The following FBXW9 variants were observed in gnomAD, a reference collection of about 807,000 sequenced individuals.
The protein encoded by FBXW9 is F-box and WD repeat domain containing 9, also known as F-box/WD repeat-containing protein 9.
Under a neutral mutation model 55.8 loss-of-function variants are expected in FBXW9, and 38 were observed. The ratio of observed to expected loss-of-function variants is 0.68; its 90% CI spans 0.53 to 0.89. The LOEUF (loss-of-function observed/expected upper bound fraction) is 0.89. Ranked by LOEUF, FBXW9 falls within the 40% of genes least tolerant of loss-of-function variation. The probability of loss-of-function intolerance (pLI) is 0.00; values close to 1 mark genes in which losing one functional copy is unlikely to be tolerated. For synonymous variants in FBXW9, 289 were observed against 278.2 expected (o/e 1.04, Z -0.38); for missense variants, 590 against 619.4 (o/e 0.95, Z 0.50).
In FBXW9 at chr19:12,689,431, C is replaced by G. The variant is rs574399138; in HGVS notation, c.1243G>C (p.Val415Leu). Residue 415 changes from valine to leucine, a missense_variant, in exon 9 of 10, where the codon GTG (valine) becomes CTG (leucine). Val to Leu is a conservative substitution (Grantham distance 32). Transcript: ENST00000393261. This position sits in a 1 kb window ranked among gnomAD's most constrained non-coding sequence, Gnocchi z 5.9. The part of the protein sequence containing the change: ...TSTDKTIRVH[V>L]PTDPPRTICT... ...ATGGTCCTTGGTGGGTCTGTGGGCA[C>G]GTGCACCTAGTGAGGGGCAATGGGC... is the stretch of plus-strand genomic sequence containing the variant. The G allele has an allele frequency of 1.9e-6, 3 of 1,614,098 alleles. No homozygotes were observed. Among genetic ancestry groups the G allele is most frequent in the South Asian group, 2.2e-5 (2 of 91,086 alleles).
intron 3 of FBXW9, among the ~76,000 whole-genome samples, chr19:12,692,469 G>T (rs566909634): frequency 1.3e-5 from 2 of 149,284 alleles, no homozygotes; most frequent in East Asian, 4.0e-4. Context: ...CAGATGATCC[G>T]CCTGCCTTAG....
chr19:12,694,415 A>C (rs2145410088), intron 3 of FBXW9, among the ~76,000 whole-genome samples, 179 bp downstream of exon 3: 1 of 152,126 alleles, frequency 6.6e-6, no homozygotes, highest in South Asian at 2.1e-4. Flanking sequence ...TCCTCATCCT[A>C]ATCACCCACT....
intron 3 of FBXW9, among the ~76,000 whole-genome samples, chr19:12,694,256 G>A (rs868670185): frequency 1.2e-4 from 17 of 147,822 alleles, no homozygotes; most frequent in African/African-American, 2.3e-4. Context: ...CAGGAGAACC[G>A]CTTGAACCCG....
intron 3 of FBXW9, among the ~76,000 whole-genome samples, chr19:12,692,679 C>T (rs909989303): frequency 6.6e-6 from 1 of 152,048 alleles, no homozygotes; most frequent in African/African-American, 2.4e-5. Context: ...CCACGCACCA[C>T]GCCTGGCTAA....
rs762619908 is a variant in FBXW9 at position 12,691,420 on chromosome 19, C to T, written c.713G>A (p.Arg238His). ...WVWSLAAQDH[R>H]VCSGSWDSTV... ...GCTGTCCCAGGAGCCGGAGCACACGCGGTGGTCCTGCGCTGCCAGTGACCA... is the reference window on the plus strand; with the variant it reads ...GCTGTCCCAGGAGCCGGAGCACACGTGGTGGTCCTGCGCTGCCAGTGACCA... Residue 238 changes from arginine to histidine, a missense_variant, in exon 4 of 10, where the codon CGC (arginine) becomes CAC (histidine). Transcript: ENST00000393261. 1.0e-5 allele frequency: 16 copies of T among 1,600,176 alleles called. No homozygotes were observed. The highest frequency in any genetic ancestry group is 8.1e-5 in the African/African-American group (6 of 74,450).
Position 12,689,660 on chromosome 19 carries a change from TCGAGGCTCTC to T in FBXW9, c.1147-40_1147-31del. ...AGGAGGAGGATCAGGCAACACTCAGTCGAGGCTCTCCCAAGGCCCGCCCTCCCCCACACCA... is the reference window on the plus strand; with the variant it reads ...AGGAGGAGGATCAGGCAACACTCAGTCCAAGGCCCGCCCTCCCCCACACCA... On this transcript the variant is annotated intron_variant, in intron 7 of 9. Coordinates refer to ENST00000393261, the MANE Select transcript of FBXW9 (RefSeq NM_032301.3). The surrounding 1 kb of genome is among the most constrained non-coding windows in gnomAD (Gnocchi z 5.9). 2 of 1,612,244 alleles carry T rather than the reference TCGAGGCTCTC, an allele frequency of 1.2e-6. No individual in the cohort carries two copies. The highest frequency in any genetic ancestry group is 1.7e-6 in the Non-Finnish European group (2 of 1,178,566).
chr19:12,689,298 G>C lies in FBXW9; in HGVS notation c.1303-8C>G, dbSNP rs769991929. On this transcript the variant is annotated splice_region_variant and splice_polypyrimidine_tract_variant and intron_variant, in intron 9 of 9. Transcript: ENST00000393261. The surrounding 1 kb of genome is among the most constrained non-coding windows in gnomAD (Gnocchi z 5.9). Reference sequence around the variant, plus strand: ...GTTGCCCTCAGCACAGACCTGGGAAGGGGGAGGAACATGAGGAGTCAGGGA... The same window carrying C: ...GTTGCCCTCAGCACAGACCTGGGAACGGGGAGGAACATGAGGAGTCAGGGA... 9.3e-6 allele frequency: 15 copies of C among 1,614,100 alleles called. No homozygotes were observed. In the Admixed American group the frequency reaches 2.3e-4, roughly 25 times the overall value.
chr19:12,694,299 CCA>C (rs2025047745), intron 3 of FBXW9, among the ~76,000 whole-genome samples: 1 of 149,754 alleles, frequency 6.7e-6, no homozygotes, highest in African/African-American at 2.5e-5. Flanking sequence ...TGAGATCATG[CCA>C]CACTCCAGCC....
chr19:12,691,036 G>C (rs2145402367), intron 5 of FBXW9, 130 bp downstream of exon 5: 2 of 853,210 alleles, frequency 2.3e-6, no homozygotes, highest in East Asian at 4.8e-5. Flanking sequence ...TATTGTACCA[G>C]CACAGCATGG....
At chr19:12,693,513 AAAAAAAAAAAAAAAAAAT>A (rs2025030609) in intron 3 of FBXW9, among the ~76,000 whole-genome samples, 1 of 27,358 alleles carries the variant, frequency 3.7e-5, no homozygotes, top group African/African-American at 1.6e-4. Flanking sequence ...AAAAAAAAAA[AAAAAAAAAAAAAAAAAAT>A]ATATATATAT....
rs770685500 is a variant in FBXW9 at position 12,694,582 on chromosome 19, C to G, written c.678+12G>C. On this transcript the variant is annotated intron_variant, in intron 3 of 9. Coordinates refer to ENST00000393261, the MANE Select transcript of FBXW9 (RefSeq NM_032301.3). ...CAGGCCTCATACCTCCTATCCCCAC[C>G]TGACTCCTCACCTCATGGGTACTAT... is the stretch of plus-strand genomic sequence containing the variant. The G allele has an allele frequency of 1.9e-6, 3 of 1,612,626 alleles. No individual in the cohort carries two copies. The highest frequency in any genetic ancestry group is 1.7e-6 in the Non-Finnish European group (2 of 1,178,786).
Position 12,689,346 on chromosome 19 carries a change from G to A in FBXW9, c.1302+26C>T, listed in dbSNP as rs533245869. 16 of 1,614,054 alleles carry A rather than the reference G, an allele frequency of 9.9e-6. No homozygotes were observed. The highest frequency in any genetic ancestry group is 1.4e-5 in the Non-Finnish European group (16 of 1,180,024). ...GGACGATGGCGCTCTGGCCAGCTGG[G>A]CAGGGCACATGGGGCAGGACCTTAC... is the stretch of plus-strand genomic sequence containing the variant. On this transcript the variant is annotated intron_variant, in intron 9 of 9. Transcript: ENST00000393261. The surrounding 1 kb of genome is among the most constrained non-coding windows in gnomAD (Gnocchi z 5.9).
At chr19:12,696,142 C>CCCCCGGT (rs1333283563) in intron 1 of FBXW9, 31 bp downstream of exon 1, 14 of 1,456,930 alleles carry the variant, frequency 9.6e-6, no homozygotes, top group East Asian at 2.5e-5. Context: ...GCGCCCCCGG[C>CCCCCGGT]CCCCGGTCCC....
chr19:12,689,897 GACA>G lies in FBXW9; in HGVS notation c.1033-26_1033-24del. Reference sequence around the variant, plus strand: ...CAGCTACGAGAGGGACAAGGGACGGGACAGCTCAGGCCGGGCTGGGCCTGCAAC... The same window carrying G: ...CAGCTACGAGAGGGACAAGGGACGGGGCTCAGGCCGGGCTGGGCCTGCAAC... On this transcript the variant is annotated intron_variant, in intron 6 of 9. Coordinates refer to ENST00000393261, the MANE Select transcript of FBXW9 (RefSeq NM_032301.3). The surrounding 1 kb of genome is among the most constrained non-coding windows in gnomAD (Gnocchi z 5.9). The G allele has an allele frequency of 1.2e-6, 2 of 1,613,236 alleles. No individual in the cohort carries two copies. The highest frequency in any genetic ancestry group is 2.2e-5 in the South Asian group (2 of 91,050).
At chr19:12,693,388 G>A (rs1337622621) in intron 3 of FBXW9, among the ~76,000 whole-genome samples, 2 of 150,082 alleles carry the variant, frequency 1.3e-5, no homozygotes, top group Admixed American at 6.7e-5. Flanking sequence ...GCTGGGCACC[G>A]TGGCTCATGC....
chr19:12,696,550 G>T lies in FBXW9; in HGVS notation c.32C>A (p.Ser11Tyr). 6.2e-7 allele frequency: 1 copy of T among 1,611,934 alleles called. No homozygotes were observed. The change falls in exon 1 of 10, where the codon TCC (serine) becomes TAC (tyrosine). Residue 11 changes from serine (S) to tyrosine (Y), a missense_variant. Ser to Tyr is a moderately radical substitution (Grantham distance 144). Coordinates refer to ENST00000393261, the MANE Select transcript of FBXW9 (RefSeq NM_032301.3). The part of the protein sequence containing the change: MELPLGRCDD[S>Y]RTWDDDSDPE... ...GTCCGAGTCATCGTCCCAGGTGCGG[G>T]AATCATCGCACCGCCCTAGGGGAAG...
At chr19:12,691,861 T>C in intron 3 of FBXW9, among the ~76,000 whole-genome samples, 1 of 152,038 alleles carries the variant, frequency 6.6e-6, no homozygotes, top group African/African-American at 2.4e-5. Context: ...GTTCAAGTGA[T>C]TCTCCTGCCT....
chr19:12,691,204 C>G lies in FBXW9; in HGVS notation c.845G>C (p.Gly282Ala), dbSNP rs763939334. Residue 282 changes from glycine to alanine, a missense_variant, in exon 5 of 10, where the codon GGC becomes GCC. Physicochemically the swap from Gly to Ala is moderately conservative, Grantham distance 60. Coordinates refer to ENST00000393261, the MANE Select transcript of FBXW9 (RefSeq NM_032301.3). Reference sequence around the variant, plus strand: ...GATGGTCACCTTCTTGTCATAGGTGCCAGTCACCAGGATGTCAGGCAGGTA... The same window carrying G: ...GATGGTCACCTTCTTGTCATAGGTGGCAGTCACCAGGATGTCAGGCAGGTA... ...LSYLPDILVT[G>A]TYDKKVTIYD... is the part of the protein sequence containing the mutation. 2 of 1,614,206 alleles carry G rather than the reference C, an allele frequency of 1.2e-6. No individual in the cohort carries two copies. Among genetic ancestry groups the G allele is most frequent in the East Asian group, 2.2e-5 (1 of 44,878 alleles).
chr19:12,694,332 C>T (rs1319400200), intron 3 of FBXW9, among the ~76,000 whole-genome samples: 7 of 136,156 alleles, frequency 5.1e-5, no homozygotes, highest in Admixed American at 7.3e-5. Flanking sequence ...AACGAGACTC[C>T]GTCTCAAAAA....
Sources: allele counts gnomAD v4.1 joint callset (sites outside exome capture counted in the v4.1 genomes callset), GRCh38; gene constraint gnomAD v4.1.1; non-coding constraint Gnocchi (gnomAD v3.1); transcripts MANE v1.5; gene names NCBI Gene and HGNC (gene_info 2026-07-23, HGNC 2026-07-21).